The following OCRL variants were observed in gnomAD, a reference collection of about 807,000 sequenced individuals.
The protein encoded by OCRL is inositol polyphosphate 5-phosphatase OCRL.
In OCRL, 8 loss-of-function variants were observed where a neutral mutation model predicts 78.9. The observed-to-expected ratio is 0.10, with a 90% confidence interval of 0.06 to 0.18. The LOEUF is 0.18. Ranked by LOEUF, OCRL falls within the 10% of genes least tolerant of loss-of-function variation. OCRL has a pLI of 1.00. For missense variants in OCRL, 454 were observed against 696.7 expected (o/e 0.65, Z 3.92); for synonymous variants, 240 against 235.4 (o/e 1.02, Z -0.18).
At chrX:129,573,581 G>T (rs971409598) in intron 15 of OCRL, among the ~76,000 whole-genome samples, 1 of 111,689 alleles carries the variant, frequency 9.0e-6, no homozygotes, top group African/African-American at 3.3e-5. Flanking sequence ...TTGAGGTGGA[G>T]TCTTGCTCTG....
At chrX:129,548,495 G>A in intron 3 of OCRL, 68 bp from the exon 4 acceptor site, 1 of 807,124 alleles carries the variant, frequency 1.2e-6, no homozygotes, top group Non-Finnish European at 1.9e-6. Context: ...AGTTAGGCAT[G>A]TATTCTTTTG....
At chrX:129,546,859 C>G (rs762140930) in intron 3 of OCRL, among the ~76,000 whole-genome samples, 1 of 111,413 alleles carries the variant, frequency 9.0e-6, no homozygotes, top group South Asian at 3.8e-4. Flanking sequence ...ACGTAGTTCC[C>G]CATGACTAAA....
At chrX:129,557,207 G>A (rs1055155725) in intron 4 of OCRL, 118 bp from the exon 5 acceptor site, 2 of 596,165 alleles carry the variant, frequency 3.4e-6, no homozygotes, top group Admixed American at 5.3e-5. Context: ...TCCTATATTA[G>A]AGATCTGGAA....
intron 1 of OCRL, 121 bp from the exon 2 acceptor site, chrX:129,540,623 C>T: frequency 3.2e-6 from 1 of 314,148 alleles, no homozygotes; most frequent in Non-Finnish European, 4.6e-6. Context: ...GGAGACGAAG[C>T]AGGGCGGGGC....
chrX:129,559,638 C>T (rs1367797829), intron 8 of OCRL, among the ~76,000 whole-genome samples: 1 of 111,212 alleles, frequency 9.0e-6, no homozygotes, highest in Non-Finnish European at 1.9e-5. Flanking sequence ...ATATATCTGG[C>T]CTGTTAAGTT....
At chrX:129,582,939 C>A (rs1936464247) in intron 18 of OCRL, among the ~76,000 whole-genome samples, 1 of 111,501 alleles carries the variant, frequency 9.0e-6, no homozygotes, top group South Asian at 3.8e-4. Flanking sequence ...TTTTACCTAG[C>A]AGAACTAAGA....
At chrX:129,565,934 G>T in intron 13 of OCRL, 51 bp downstream of exon 13, 1 of 862,229 alleles carries the variant, frequency 1.2e-6, no homozygotes, top group Non-Finnish European at 1.7e-6. Context: ...AGATGAGATT[G>T]TTAGAGTTAT....
intron 15 of OCRL, among the ~76,000 whole-genome samples, chrX:129,573,762 G>C (rs1936332928): frequency 9.0e-6 from 1 of 110,852 alleles, no homozygotes; most frequent in African/African-American, 3.3e-5. Flanking sequence ...GTTTCACCGT[G>C]TTGGCTGGGG....
chrX:129,569,201 G>A, intron 14 of OCRL, 63 bp from the exon 15 acceptor site: 1 of 1,140,560 alleles, frequency 8.8e-7, no homozygotes, highest in Non-Finnish European at 1.2e-6. Flanking sequence ...ATCTAAACCA[G>A]TGTGGTAGGT....
At chrX:129,556,478 G>T (rs1936052277) in intron 4 of OCRL, among the ~76,000 whole-genome samples, 1 of 111,943 alleles carries the variant, frequency 8.9e-6, no homozygotes, top group South Asian at 3.8e-4. Flanking sequence ...TAAGGAGCTT[G>T]TAGTTTCCAG....
chrX:129,568,293 A>G (rs778292557), intron 14 of OCRL, among the ~76,000 whole-genome samples: 3 of 111,398 alleles, frequency 2.7e-5, no homozygotes, highest in African/African-American at 9.8e-5. Context: ...TCCTCTACCT[A>G]CTATCTCTTT....
chrX:129,565,972 A>C, intron 13 of OCRL, 89 bp downstream of exon 13: 1 of 617,469 alleles, frequency 1.6e-6, no homozygotes, highest in Non-Finnish European at 2.7e-6. Flanking sequence ...CTAGGGAGTG[A>C]TGGAAACGTC....
At chrX:129,571,017 A>G (rs1225930572) in intron 15 of OCRL, among the ~76,000 whole-genome samples, 1 of 112,364 alleles carries the variant, frequency 8.9e-6, no homozygotes, top group Admixed American at 9.4e-5. Flanking sequence ...AGCAAGTTGA[A>G]ATAACTTATT....
At chrX:129,550,363 TG>T (rs779327559) in intron 4 of OCRL, among the ~76,000 whole-genome samples, 30 of 112,348 alleles carry the variant, frequency 2.7e-4, no homozygotes, top group Non-Finnish European at 5.4e-4. Context: ...CATTTTCTTA[TG>T]TCATTTACAA....
intron 20 of OCRL, among the ~76,000 whole-genome samples, 178 bp downstream of exon 20, chrX:129,587,296 T>C (rs1209363115): frequency 9.0e-6 from 1 of 111,529 alleles, no homozygotes; most frequent in African/African-American, 3.3e-5. Context: ...AGCTGAAGCA[T>C]GTAAAGGTAA....
At chrX:129,565,183 C>T (rs1389046505) in intron 12 of OCRL, among the ~76,000 whole-genome samples, 1 of 112,026 alleles carries the variant, frequency 8.9e-6, no homozygotes, top group Non-Finnish European at 1.9e-5. Flanking sequence ...CTTTGTGGGG[C>T]TCTCAGCACA....
intron 12 of OCRL, among the ~76,000 whole-genome samples, chrX:129,565,011 C>T (rs1038054750): frequency 2.5e-4 from 28 of 111,481 alleles, no homozygotes; most frequent in East Asian, 2.8e-4. Context: ...AAAGTGAAGG[C>T]CTTAAAATGT....
At chrX:129,557,839 A>G in intron 5 of OCRL, 22 bp from the exon 6 acceptor site, 5 of 1,087,653 alleles carry the variant, frequency 4.6e-6, no homozygotes, top group Non-Finnish European at 6.4e-6. Context: ...CCAGTTTCTG[A>G]CCATGAACCT....
chrX:129,554,989 AAATAAATAAAT>A (rs1174259228), intron 4 of OCRL, among the ~76,000 whole-genome samples: 39 of 106,166 alleles, frequency 3.7e-4, no homozygotes, highest in East Asian at 2.0e-3. Context: ...ATAAATAAAT[AAATAAATAAAT>A]AAAAATAAGA....
Sources: allele counts gnomAD v4.1 joint callset (sites outside exome capture counted in the v4.1 genomes callset), GRCh38; gene constraint gnomAD v4.1.1; transcripts MANE v1.5; gene names NCBI Gene and HGNC (gene_info 2026-07-23, HGNC 2026-07-21).